Variants in GNG12 observed in about 807,000 individuals in gnomAD.
GNG12 encodes the protein guanine nucleotide-binding protein G(I)/G(S)/G(O) subunit gamma-12.
For missense variants in GNG12, 69 were observed against 83.8 expected (o/e 0.82, Z 0.69); for synonymous variants, 28 against 29.7 (o/e 0.94, Z 0.19).
intron 2 of GNG12, among the ~76,000 whole-genome samples, chr1:67,720,537 G>A (rs982568420): frequency 6.6e-6 from 1 of 152,142 alleles, no homozygotes; most frequent in African/African-American, 2.4e-5. Flanking sequence ...ATAGATGAAT[G>A]GATAAATTCA....
chr1:67,789,062 A>G (rs1293642054), intron 1 of GNG12, among the ~76,000 whole-genome samples: 1 of 152,222 alleles, frequency 6.6e-6, no homozygotes, highest in African/African-American at 2.4e-5. Context: ...TGTCCAATAA[A>G]AGGAAGGAAA....
intron 1 of GNG12, 129 bp from the exon 2 acceptor site, chr1:67,777,636 G>C (rs1646713678): frequency 6.4e-6 from 1 of 156,362 alleles, no homozygotes; most frequent in Admixed American, 6.5e-5. Flanking sequence ...GCTTTTTCTG[G>C]CTCCTGATGG....
At chr1:67,724,527 C>T (rs1341447240) in intron 2 of GNG12, among the ~76,000 whole-genome samples, 1 of 152,100 alleles carries the variant, frequency 6.6e-6, no homozygotes, top group African/African-American at 2.4e-5. Context: ...GTAGCTGGGA[C>T]TATGGGCATG....
At chr1:67,743,437 G>C (rs186101829) in intron 2 of GNG12, among the ~76,000 whole-genome samples, 61 of 152,300 alleles carry the variant, frequency 4.0e-4, no homozygotes, top group African/African-American at 1.4e-3. Context: ...TCTCCATACA[G>C]CAAATGACAG....
intron 1 of GNG12, among the ~76,000 whole-genome samples, chr1:67,779,087 G>A (rs993798068): frequency 2.4e-4 from 37 of 152,126 alleles, no homozygotes; most frequent in African/African-American, 8.5e-4. Flanking sequence ...CTGAGGGAAG[G>A]GCCTAATGCT....
At chr1:67,753,905 G>T (rs1570514999) in intron 2 of GNG12, among the ~76,000 whole-genome samples, 1 of 152,244 alleles carries the variant, frequency 6.6e-6, no homozygotes, top group South Asian at 2.1e-4. Context: ...CGGGCGTTAA[G>T]TGTGGCAGTG....
chr1:67,765,850 T>G (rs1173578802), intron 2 of GNG12, among the ~76,000 whole-genome samples: 3 of 152,106 alleles, frequency 2.0e-5, no homozygotes, highest in Non-Finnish European at 4.4e-5. Context: ...TGGTTGAAAA[T>G]TCCTGCTTTC....
At chr1:67,816,551 A>C (rs1310803789) in intron 1 of GNG12, among the ~76,000 whole-genome samples, 2 of 152,132 alleles carry the variant, frequency 1.3e-5, no homozygotes, top group Non-Finnish European at 2.9e-5. Flanking sequence ...CTCCAGCTCA[A>C]GCCAGCTGGA....
At chr1:67,764,207 G>A (rs1646622778) in intron 2 of GNG12, among the ~76,000 whole-genome samples, 1 of 152,152 alleles carries the variant, frequency 6.6e-6, no homozygotes, top group Non-Finnish European at 1.5e-5. Flanking sequence ...GTGCAACAAT[G>A]AGTACCTGGA....
intron 2 of GNG12, among the ~76,000 whole-genome samples, chr1:67,743,392 C>A (rs1646493140): frequency 6.6e-6 from 1 of 152,150 alleles, no homozygotes; most frequent in Admixed American, 6.5e-5. Flanking sequence ...TCTTTGGTAA[C>A]AATAAAAACT....
intron 1 of GNG12, among the ~76,000 whole-genome samples, chr1:67,819,852 C>T (rs1646974646): frequency 6.6e-6 from 1 of 152,184 alleles, no homozygotes; most frequent in African/African-American, 2.4e-5. Flanking sequence ...CAGATTTAAC[C>T]TGGCTGCCTC....
chr1:67,787,558 C>A (rs539508235), intron 1 of GNG12, among the ~76,000 whole-genome samples: 1 of 152,280 alleles, frequency 6.6e-6, no homozygotes, highest in African/African-American at 2.4e-5. Context: ...ATCTTCACAT[C>A]AGAAAGAGCA....
chr1:67,705,518 G>C lies in GNG12; in HGVS notation c.152C>G (p.Pro51Arg). ...SYCEEHARSD[P>R]LLIGIPTSEN... ...TGAAGTTGGTATTCCTATCAGCAAA[G>C]GGTCACTCCTGGCATGTTCCTCACA... is the stretch of plus-strand genomic sequence containing the variant. Residue 51 changes from proline to arginine, a missense_variant, in exon 4 of 4, where the codon CCT becomes CGT. Pro to Arg is a moderately radical substitution (Grantham distance 103). Transcript: ENST00000370982. 1 of 1,614,138 alleles carries C rather than the reference G, an allele frequency of 6.2e-7. No homozygotes were observed. Among genetic ancestry groups the C allele is most frequent in the Non-Finnish European group, 8.5e-7 (1 of 1,180,026 alleles).
At chr1:67,795,861 A>G (rs1309300980) in intron 1 of GNG12, among the ~76,000 whole-genome samples, 1 of 152,250 alleles carries the variant, frequency 6.6e-6, no homozygotes, top group Non-Finnish European at 1.5e-5. Flanking sequence ...AGGCAGACCA[A>G]CAGAGAATAA....
chr1:67,773,874 G>A (rs1314710544), intron 2 of GNG12, among the ~76,000 whole-genome samples: 1 of 152,146 alleles, frequency 6.6e-6, no homozygotes, highest in Non-Finnish European at 1.5e-5. Flanking sequence ...GGGGAGGAGG[G>A]TTGTGAATAT....
At chr1:67,802,402 G>T (rs1646871825) in intron 1 of GNG12, among the ~76,000 whole-genome samples, 1 of 152,092 alleles carries the variant, frequency 6.6e-6, no homozygotes, top group Admixed American at 6.5e-5. Flanking sequence ...TGTCGGCCAG[G>T]CACATATTGG....
chr1:67,719,206 A>G (rs1210300612), intron 2 of GNG12, among the ~76,000 whole-genome samples: 1 of 152,104 alleles, frequency 6.6e-6, no homozygotes, highest in Non-Finnish European at 1.5e-5. Flanking sequence ...CTCCACTCCA[A>G]TTCTCTGTCT....
At chr1:67,827,348 A>G (rs1647016767) in intron 1 of GNG12, among the ~76,000 whole-genome samples, 1 of 152,170 alleles carries the variant, frequency 6.6e-6, no homozygotes. Context: ...TTTAGCAACC[A>G]ATCTCTTAGA....
chr1:67,816,545 A>G (rs1646954657), intron 1 of GNG12, among the ~76,000 whole-genome samples: 1 of 152,160 alleles, frequency 6.6e-6, no homozygotes, highest in Non-Finnish European at 1.5e-5. Context: ...CTCTGCCTCC[A>G]GCTCAAGCCA....
Sources: allele counts gnomAD v4.1 joint callset (sites outside exome capture counted in the v4.1 genomes callset), GRCh38; gene constraint gnomAD v4.1.1; transcripts MANE v1.5; gene names NCBI Gene and HGNC (gene_info 2026-07-23, HGNC 2026-07-21).